The following FAT1 variants were observed in gnomAD, a reference collection of about 807,000 sequenced individuals.
FAT1 encodes protocadherin Fat 1.
FAT1 carries 171 observed loss-of-function variants against 329.8 expected under a neutral mutation model. The observed-to-expected ratio is 0.52, with a 90% CI of 0.46 to 0.59. FAT1 has a LOEUF of 0.59. FAT1 is among the 20% of genes least tolerant of loss of function. The probability of loss-of-function intolerance (pLI) is 0.00; values close to 1 mark genes in which losing one functional copy is unlikely to be tolerated. For synonymous variants in FAT1, 2,233 were observed against 2,228.6 expected, an observed-to-expected ratio of 1.00 and a Z score of -0.06; for missense variants, 5,672 against 5,774.4, an observed-to-expected ratio of 0.98 and a Z score of 0.57.
chr4:186,659,003 G>A (rs1579401972), intron 3 of FAT1, among the ~76,000 whole-genome samples: 1 of 152,378 alleles, frequency 6.6e-6, no homozygotes, highest in Admixed American at 6.5e-5. Flanking sequence ...CGACGTGTCA[G>A]TTAACCACGG....
At position 186,588,385 on chromosome 4, in the gene FAT1, G is replaced by C. The variant is rs748969895; in HGVS notation, c.*207C>G. ...CAGATGTAAATCCCAAAAGACGTTG[G>C]GAAATGGCACAGCCGATGAAAACCT... On this transcript the variant is annotated 3_prime_UTR_variant, in exon 27 of 27. Coordinates refer to ENST00000441802, the MANE Select transcript of FAT1 (RefSeq NM_005245.4). 491 of 570,918 alleles carry C rather than the reference G, an allele frequency of 8.6e-4. No homozygotes were observed. The highest frequency in any genetic ancestry group is 1.3e-3 in the Non-Finnish European group (451 of 336,166). The allele number at this position is 570,918 out of a possible 1,614,324, so 35.4% of individuals were successfully genotyped here.
chr4:186,608,949 A>C (rs1021567144), intron 16 of FAT1, among the ~76,000 whole-genome samples: 4 of 152,226 alleles, frequency 2.6e-5, no homozygotes, highest in African/African-American at 9.6e-5. Context: ...TGGAACCAAC[A>C]GTAATTCCTT....
At chr4:186,682,793 T>C (rs1338771608) in intron 2 of FAT1, among the ~76,000 whole-genome samples, 2 of 152,258 alleles carry the variant, frequency 1.3e-5, no homozygotes, top group East Asian at 1.9e-4. Flanking sequence ...TTTCTCCATG[T>C]CATCAGTGAC....
rs1426195084 is a variant in FAT1, at chr4:186,600,231, G to A, written c.11770C>T (p.Arg3924Cys). ...GTATGAACTTGGTCTAGAACCAAGCGAGCATAGTTTCCATTCACTTCCAGG... is the reference window on the plus strand; with the variant it reads ...GTATGAACTTGGTCTAGAACCAAGCAAGCATAGTTTCCATTCACTTCCAGG... ...VALEVNGNYA[R>C]LVLDQVHTAS... Residue 3924 changes from arginine (R) to cysteine (C), a missense_variant, in exon 22 of 27, where the codon CGC becomes TGC. Physicochemically the swap from Arg to Cys is radical, Grantham distance 180. Transcript: ENST00000441802. The A allele has an allele frequency of 1.2e-5, 20 of 1,613,902 alleles. No individual in the cohort carries two copies. The highest frequency in any genetic ancestry group is 1.6e-4 in the Middle Eastern group (1 of 6,084).
intron 2 of FAT1, among the ~76,000 whole-genome samples, chr4:186,668,539 G>T (rs1002397651): frequency 2.0e-5 from 3 of 152,246 alleles, no homozygotes; most frequent in Non-Finnish European, 4.4e-5. Context: ...TTAATCAGGG[G>T]TTCATCACGA....
At position 186,619,396 on chromosome 4, in the gene FAT1, G is replaced by C. The variant is rs575269779; in HGVS notation, c.7190C>G (p.Ala2397Gly). The C allele has an allele frequency of 1.1e-5, 18 of 1,613,962 alleles. No homozygotes were observed. In the East Asian group the frequency reaches 3.6e-4, roughly 32 times the overall value. Residue 2397 changes from alanine to glycine, a missense_variant, in exon 10 of 27, where the codon GCC becomes GGC. Ala to Gly is a moderately conservative substitution (Grantham distance 60). Around this residue, in one of 2 missense-constraint regions of FAT1, gnomAD observed 3,966 missense variants for 3,915.2 expected, o/e 1.01. Coordinates refer to ENST00000441802, the MANE Select transcript of FAT1 (RefSeq NM_005245.4). The part of the protein sequence containing the change: ...PPLFEQQIYE[A>G]RISEHAPHGH... ...ATGAGGGGCGTGCTCGCTAATTCTG[G>C]CTTCATAAATCTGTTGTTCAAAGAG...
intron 11 of FAT1, 46 bp from the exon 12 acceptor site, chr4:186,614,390 C>T (rs749780577): frequency 1.2e-5 from 15 of 1,254,052 alleles, no homozygotes; most frequent in African/African-American, 1.6e-5. Flanking sequence ...CATTAACAGG[C>T]AGCACAAACA....
chr4:186,708,589 T>C lies in FAT1; in HGVS notation c.1239A>G (p.Leu413=). The stretch of plus-strand genomic sequence containing the variant: ...TAGAAATGAGACCAGTGTTGTAATT[T>C]AAACTGAATTTAGCTTTTCCAGGTG... ...KSTPGKAKFS[L]NYNTGLISIL... The change falls in exon 2 of 27, where the codon TTA becomes TTG. Residue 413 remains leucine, a synonymous_variant. Coordinates refer to ENST00000441802, the MANE Select transcript of FAT1 (RefSeq NM_005245.4). 2 of 1,614,008 alleles carry C rather than the reference T, an allele frequency of 1.2e-6. No homozygotes were observed. The highest frequency in any genetic ancestry group is 8.5e-7 in the Non-Finnish European group (1 of 1,179,894).
chr4:186,686,362 T>C (rs77526387), intron 2 of FAT1, among the ~76,000 whole-genome samples: 4,146 of 152,194 alleles, frequency 0.027, 175 homozygotes, highest in African/African-American at 0.095. Flanking sequence ...CAGAATTATG[T>C]AAGTATGCAA....
rs2126699415 is a variant in FAT1 at position 186,708,833 on chromosome 4, T to G, written c.995A>C (p.Tyr332Ser). The change falls in exon 2 of 27, where the codon TAC becomes TCC. Residue 332 changes from tyrosine (Y) to serine (S), a missense_variant. This residue lies in a region of FAT1 where 3,966 missense variants were observed against 3,915.2 expected (regional missense o/e 1.01). Coordinates refer to ENST00000441802, the MANE Select transcript of FAT1 (RefSeq NM_005245.4). ...GIDWDSHPFGYNLTLQAKDKG... is the reference protein window; with the variant it reads ...GIDWDSHPFGSNLTLQAKDKG... ...ATCTTTAGCCTGTAGTGTGAGATTGTAGCCGAAAGGATGACTGTCCCAATC... is the reference window on the plus strand; with the variant it reads ...ATCTTTAGCCTGTAGTGTGAGATTGGAGCCGAAAGGATGACTGTCCCAATC... 6.2e-7 allele frequency: 1 copy of G among 1,614,014 alleles called. No individual in the cohort carries two copies. Among genetic ancestry groups the G allele is most frequent in the Non-Finnish European group, 8.5e-7 (1 of 1,179,890 alleles).
chr4:186,720,382 C>CA (rs36092214), intron 1 of FAT1, among the ~76,000 whole-genome samples: 73,412 of 151,810 alleles, frequency 0.48, 20,583 homozygotes, highest in Non-Finnish European at 0.63. Flanking sequence ...TCTACCTAGA[C>CA]AAAAAAAAGA....
intron 2 of FAT1, among the ~76,000 whole-genome samples, chr4:186,670,186 C>G (rs1742666857): frequency 6.6e-6 from 1 of 152,184 alleles, no homozygotes. Context: ...ACTTCTGACT[C>G]TCAGAAATAC....
chr4:186,724,477 G>C (rs1041403947), upstream of FAT1, among the ~76,000 whole-genome samples: 1 of 152,088 alleles, frequency 6.6e-6, no homozygotes, highest in African/African-American at 2.4e-5. The surrounding 1 kb of genome is among the most constrained non-coding windows in gnomAD (Gnocchi z 5.3). Flanking sequence ...GGCCTCCCCC[G>C]CTGACACCCC....
intron 26 of FAT1, among the ~76,000 whole-genome samples, chr4:186,593,800 G>T (rs1304956153): frequency 4.6e-5 from 7 of 152,110 alleles, no homozygotes; most frequent in Non-Finnish European, 1.0e-4. Flanking sequence ...GAGACACAGG[G>T]GTTGGGCTTC....
chr4:186,668,229 G>A (rs1017567548), intron 2 of FAT1, among the ~76,000 whole-genome samples: 1 of 152,182 alleles, frequency 6.6e-6, no homozygotes, highest in Non-Finnish European at 1.5e-5. Context: ...ACCCTGGGCA[G>A]AAACTTCCAA....
At chr4:186,655,634 T>C (rs1372645938) in intron 3 of FAT1, among the ~76,000 whole-genome samples, 5 of 152,090 alleles carry the variant, frequency 3.3e-5, no homozygotes, top group Non-Finnish European at 7.4e-5. Flanking sequence ...GGTTTTGCCA[T>C]GTTGGCCAAG....
At position 186,709,309 on chromosome 4, in the gene FAT1, G is replaced by A. The variant is rs1393177561; in HGVS notation, c.519C>T (p.Ala173=). The A allele has an allele frequency of 6.2e-7, 1 of 1,613,968 alleles. No homozygotes were observed. Among genetic ancestry groups the A allele is most frequent in the African/African-American group, 1.3e-5 (1 of 75,022 alleles). Residue 173 remains alanine (A), a synonymous_variant, in exon 2 of 27, where the codon GCC becomes GCT. Transcript: ENST00000441802. ...AIRTSIARVS[A]TDADIGTNGE... is the part of the protein sequence containing the mutation. Reference sequence around the variant, plus strand: ...CGTTGGTTCCTATGTCTGCATCCGTGGCGCTGACTCTTGCGATACTGGTCC... The same window carrying A: ...CGTTGGTTCCTATGTCTGCATCCGTAGCGCTGACTCTTGCGATACTGGTCC...
Position 186,621,549 on chromosome 4 carries a change from A to G in FAT1, c.5037T>C (p.Thr1679=), listed in dbSNP as rs1256204985. The G allele has an allele frequency of 3.1e-6, 5 of 1,613,880 alleles. No homozygotes were observed. Among genetic ancestry groups the G allele is most frequent in the East Asian group, 2.2e-5 (1 of 44,888 alleles). Residue 1679 remains threonine, a synonymous_variant, in exon 10 of 27, where the codon ACT becomes ACC. Coordinates refer to ENST00000441802, the MANE Select transcript of FAT1 (RefSeq NM_005245.4). ...TCCCAACGAAACTCCCAATGCTGAC[A>G]GTTTCACTAAGTTCAACAGAATATT... ...SKEYSVELSE[T]VSIGSFVGMV... is the part of the protein sequence containing the mutation.
At chr4:186,701,387 C>T (rs963190816) in intron 2 of FAT1, among the ~76,000 whole-genome samples, 12 of 152,162 alleles carry the variant, frequency 7.9e-5, no homozygotes, top group Non-Finnish European at 1.2e-4. Flanking sequence ...GGCTGGGAAA[C>T]GAGCTTCTTT....
Sources: allele counts gnomAD v4.1 joint callset (sites outside exome capture counted in the v4.1 genomes callset), GRCh38; gene constraint gnomAD v4.1.1; regional missense constraint gnomAD v4.1.1; non-coding constraint Gnocchi (gnomAD v3.1); transcripts MANE v1.5; gene names NCBI Gene and HGNC (gene_info 2026-07-23, HGNC 2026-07-21).